Variants in FAM135A observed in about 807,000 individuals in gnomAD.
FAM135A encodes family with sequence similarity 135 member A, also known as protein FAM135A.
Under a neutral mutation model 146.8 loss-of-function variants are expected in FAM135A, and 79 were observed. The ratio of observed to expected loss-of-function variants is 0.54; its 90% confidence interval spans 0.45 to 0.65. FAM135A has a LOEUF of 0.65. Ranked by LOEUF, FAM135A falls within the 30% of genes least tolerant of loss-of-function variation. FAM135A has a pLI of 0.00. For synonymous variants in FAM135A, 562 were observed against 603.6 expected, an observed-to-expected ratio of 0.93 and a Z score of 1.01; for missense variants, 1,623 against 1,758.2, an observed-to-expected ratio of 0.92 and a Z score of 1.38.
intron 5 of FAM135A, among the ~76,000 whole-genome samples, chr6:70,467,710 T>C (rs1780740436): frequency 6.6e-6 from 1 of 152,028 alleles, no homozygotes; most frequent in South Asian, 2.1e-4. Context: ...CCTTTCTCCT[T>C]CTTTTCTCCT....
intron 20 of FAM135A, among the ~76,000 whole-genome samples, chr6:70,543,714 G>T (rs1238194603): frequency 1.3e-5 from 2 of 152,164 alleles, no homozygotes; most frequent in Non-Finnish European, 2.9e-5. Context: ...GAAAGGCAAA[G>T]CTGAACATAA....
chr6:70,524,071 A>G lies in FAM135A; in HGVS notation c.1208A>G (p.Asn403Ser), dbSNP rs747124148. The G allele has an allele frequency of 3.1e-6, 5 of 1,612,772 alleles. No individual in the cohort carries two copies. The highest frequency in any genetic ancestry group is 1.7e-6 in the Non-Finnish European group (2 of 1,179,246). Residue 403 changes from asparagine to serine, a missense_variant, in exon 14 of 22, where the codon AAT (asparagine) becomes AGT (serine). Asn to Ser is a conservative substitution (Grantham distance 46). Coordinates refer to ENST00000418814, the MANE Select transcript of FAM135A (RefSeq NM_001162529.3). ...IECSELDGDLNSLPIIFEDRY... is the reference protein window; with the variant it reads ...IECSELDGDLSSLPIIFEDRY... ...TGTAGTGAATTAGATGGAGATCTCA[A>G]TTCATTACCTATAATCTTTGAAGAT...
intron 20 of FAM135A, among the ~76,000 whole-genome samples, chr6:70,539,983 G>A (rs1370519419): frequency 4.6e-5 from 7 of 152,286 alleles, no homozygotes; most frequent in Non-Finnish European, 4.4e-5. Context: ...GAGACAGAGT[G>A]AGACTCCGTC....
intron 5 of FAM135A, among the ~76,000 whole-genome samples, chr6:70,461,641 A>G (rs1368702124): frequency 1.3e-5 from 2 of 152,218 alleles, no homozygotes; most frequent in Non-Finnish European, 2.9e-5. Context: ...ACCAAGAGCA[A>G]GAAGGAAGAA....
At position 70,524,096 on chromosome 6, in the gene FAM135A, T is replaced by C. The variant is rs748624414; in HGVS notation, c.1233T>C (p.Asp411=). The C allele has an allele frequency of 5.0e-6, 8 of 1,611,488 alleles. No homozygotes were observed. The highest frequency in any genetic ancestry group is 1.6e-4 in the Middle Eastern group (1 of 6,074). The part of the protein sequence containing the change: ...DLNSLPIIFE[D]RYLDSVTEDL... Reference sequence around the variant, plus strand: ...ATTCATTACCTATAATCTTTGAAGATAGGTATTTAGATTCAGTTACTGAAG... The same window carrying C: ...ATTCATTACCTATAATCTTTGAAGACAGGTATTTAGATTCAGTTACTGAAG... The change falls in exon 14 of 22, where the codon GAT becomes GAC. Residue 411 remains aspartate (D), a synonymous_variant. Coordinates refer to ENST00000418814, the MANE Select transcript of FAM135A (RefSeq NM_001162529.3).
intron 12 of FAM135A, among the ~76,000 whole-genome samples, chr6:70,512,890 G>A (rs1791355341): frequency 6.6e-6 from 1 of 151,594 alleles, no homozygotes; most frequent in Non-Finnish European, 1.5e-5. Flanking sequence ...ATTTGCTTTA[G>A]AGAGCATTAG....
At chr6:70,546,515 C>T (rs1371990145) in intron 20 of FAM135A, among the ~76,000 whole-genome samples, 2 of 152,126 alleles carry the variant, frequency 1.3e-5, no homozygotes, top group African/African-American at 2.4e-5. Flanking sequence ...TAGTTAATAG[C>T]TTTCCTTTTA....
chr6:70,523,819 C>T (rs975605038), intron 13 of FAM135A, 148 bp from the exon 14 acceptor site: 6 of 636,884 alleles, frequency 9.4e-6, no homozygotes, highest in Admixed American at 3.9e-5. Context: ...CAGTTTTTAT[C>T]GCTGACCAAG....
chr6:70,526,240 T>C lies in FAM135A; in HGVS notation c.3156T>C (p.Ser1052=). Residue 1052 remains serine, a synonymous_variant, in exon 15 of 22, where the codon TCT becomes TCC. Transcript: ENST00000418814. ...GTTCTCAAAGCAGTACGGATATTTCTGACACATGTGCTGTTAGCTACAGCA... is the reference window on the plus strand; with the variant it reads ...GTTCTCAAAGCAGTACGGATATTTCCGACACATGTGCTGTTAGCTACAGCA... ...YFGSQSSTDI[S]DTCAVSYSNA... 6.2e-7 allele frequency: 1 copy of C among 1,613,590 alleles called. No homozygotes were observed. The highest frequency in any genetic ancestry group is 8.5e-7 in the Non-Finnish European group (1 of 1,179,676).
chr6:70,459,026 C>G lies in FAM135A; in HGVS notation c.157+6455C>G, dbSNP rs200726232. Among the ~76,000 whole-genome samples the G allele has an allele frequency of 2.6e-5, 4 of 152,038 alleles. No homozygotes were observed. The East Asian group carries it at 7.7e-4, about 29-fold the overall frequency. On this transcript the variant is annotated intron_variant, in intron 5 of 21. Coordinates refer to ENST00000418814, the MANE Select transcript of FAM135A (RefSeq NM_001162529.3). ...TTTTAATAAATAAATATATTGATTC[C>G]TAGTCTTATCCTTGAACATAAATAG...
intron 8 of FAM135A, among the ~76,000 whole-genome samples, chr6:70,478,528 A>G (rs1203313116): frequency 6.6e-6 from 1 of 152,162 alleles, no homozygotes; most frequent in African/African-American, 2.4e-5. Context: ...TGGAAGCCCA[A>G]CACAATTTAA....
chr6:70,444,982 G>A (rs567369838), intron 4 of FAM135A, among the ~76,000 whole-genome samples: 8 of 152,048 alleles, frequency 5.3e-5, no homozygotes, highest in South Asian at 2.1e-4. Flanking sequence ...TTTTAAAATC[G>A]TAATTATTAC....
rs1347552510 is a variant in FAM135A at position 70,526,279 on chromosome 6, T to G, written c.3195T>G (p.Pro1065=). Residue 1065 remains proline, a synonymous_variant, in exon 15 of 22, where the codon CCT becomes CCG. Transcript: ENST00000418814. ...TTAGCTACAGCAATGCACTTAGCCC[T>G]CAGAAGGAAACTTCTGAAAAAGAAA... is the stretch of plus-strand genomic sequence containing the variant. ...CAVSYSNALS[P]QKETSEKEIS... The G allele has an allele frequency of 6.2e-7, 1 of 1,613,272 alleles. No individual in the cohort carries two copies. Among genetic ancestry groups the G allele is most frequent in the East Asian group, 2.2e-5 (1 of 44,854 alleles).
At chr6:70,428,994 A>G (rs542433192) in intron 4 of FAM135A, among the ~76,000 whole-genome samples, 1 of 152,280 alleles carries the variant, frequency 6.6e-6, no homozygotes, top group Admixed American at 6.5e-5. Context: ...CGTTTTGGCT[A>G]AGATCAATAA....
At chr6:70,533,667 G>A (rs182316319) in intron 17 of FAM135A, 90 bp from the exon 18 acceptor site, 2 of 755,684 alleles carry the variant, frequency 2.6e-6, no homozygotes, top group Non-Finnish European at 4.2e-6. Context: ...CATACTTTCA[G>A]TACCTAAATT....
At chr6:70,487,454 A>T (rs539444899) in intron 10 of FAM135A, among the ~76,000 whole-genome samples, 18 of 152,298 alleles carry the variant, frequency 1.2e-4, no homozygotes, top group African/African-American at 4.3e-4. Context: ...GAAATAAAAT[A>T]AGTATTTATT....
chr6:70,475,900 C>T (rs768963764), intron 7 of FAM135A, among the ~76,000 whole-genome samples, 167 bp downstream of exon 7: 1 of 152,070 alleles, frequency 6.6e-6, no homozygotes, highest in Admixed American at 6.6e-5. Flanking sequence ...TCTATTGTGC[C>T]CATGCCGAAT....
chr6:70,426,937 A>G (rs1770292788), intron 3 of FAM135A, among the ~76,000 whole-genome samples: 1 of 152,186 alleles, frequency 6.6e-6, no homozygotes, highest in Non-Finnish European at 1.5e-5. Context: ...TCTGACTTCT[A>G]AGATTGTTCA....
rs1383407329 is a variant in FAM135A at position 70,525,784 on chromosome 6, A to C, written c.2700A>C (p.Ser900=). 5.6e-6 allele frequency: 9 copies of C among 1,613,412 alleles called. No homozygotes were observed. The highest frequency in any genetic ancestry group is 7.6e-6 in the Non-Finnish European group (9 of 1,179,630). ...ITLQQQSVVF[S]GNLDNETVAI... Reference sequence around the variant, plus strand: ...TGCAACAGCAGAGTGTTGTATTTTCAGGGAACTTGGACAATGAAACTGTAG... The same window carrying C: ...TGCAACAGCAGAGTGTTGTATTTTCCGGGAACTTGGACAATGAAACTGTAG... Residue 900 remains serine, a synonymous_variant, in exon 15 of 22, where the codon TCA becomes TCC. Coordinates refer to ENST00000418814, the MANE Select transcript of FAM135A (RefSeq NM_001162529.3).
Sources: allele counts gnomAD v4.1 joint callset (sites outside exome capture counted in the v4.1 genomes callset), GRCh38; gene constraint gnomAD v4.1.1; transcripts MANE v1.5; gene names NCBI Gene and HGNC (gene_info 2026-07-23, HGNC 2026-07-21).